The following PALS2 variants were observed in gnomAD, a reference collection of about 807,000 sequenced individuals.
The protein encoded by PALS2 is protein PALS2.
A neutral mutation model predicts 61.6 loss-of-function variants in PALS2; 27 were observed. The ratio of observed to expected loss-of-function variants is 0.44; its 90% CI spans 0.32 to 0.60. PALS2 has a LOEUF of 0.60. Among genes scored for constraint, PALS2 ranks in the 20% least tolerant of loss-of-function variants. PALS2 has a pLI of 0.05. For synonymous variants in PALS2, 236 were observed against 218.6 expected (o/e 1.08, Z -0.70); for missense variants, 554 against 639.4 (o/e 0.87, Z 1.44).
At chr7:24,636,155 T>G (rs1294433462) in intron 2 of PALS2, among the ~76,000 whole-genome samples, 1 of 143,822 alleles carries the variant, frequency 7.0e-6, no homozygotes, top group African/African-American at 2.6e-5. Flanking sequence ...GAGGTTGCAG[T>G]GAGCCGAGAT....
intron 7 of PALS2, 110 bp from the exon 8 acceptor site, chr7:24,665,911 T>C: frequency 8.8e-7 from 1 of 1,137,848 alleles, no homozygotes; most frequent in Non-Finnish European, 1.3e-6. Context: ...TTTTGCTTCC[T>C]AGGATGCCAC....
intron 5 of PALS2, among the ~76,000 whole-genome samples, chr7:24,663,146 T>G (rs1160758399): frequency 4.6e-5 from 7 of 152,194 alleles, no homozygotes; most frequent in Admixed American, 1.3e-4. Flanking sequence ...ACATCAACTT[T>G]TATTGTTTAA....
At position 24,654,568 on chromosome 7, in the gene PALS2, A is replaced by G. The variant is rs549785143; in HGVS notation, c.651+3856A>G. ...GTCTAGGAATAAATTAACCAAAAAA[A>G]TTCAAGACCTCTACACAAAGGAATT... On this transcript the variant is annotated intron_variant, in intron 5 of 11. Transcript: ENST00000222644. Among the ~76,000 whole-genome samples the G allele has an allele frequency of 2.5e-4, 38 of 152,320 alleles. 1 individual carries two copies. The highest frequency in any genetic ancestry group is 8.9e-4 in the African/African-American group (37 of 41,590).
chr7:24,607,586 TAC>T (rs952508124), intron 1 of PALS2, among the ~76,000 whole-genome samples: 134 of 82,800 alleles, frequency 1.6e-3, no homozygotes, highest in East Asian at 0.015. Flanking sequence ...TGTGTATATA[TAC>T]ATATATGTGT....
intron 2 of PALS2, among the ~76,000 whole-genome samples, chr7:24,625,907 A>G (rs892900667): frequency 6.6e-6 from 1 of 152,174 alleles, no homozygotes; most frequent in Non-Finnish European, 1.5e-5. Flanking sequence ...TCCGCTTCCA[A>G]GAAAGAAATA....
chr7:24,610,290 C>A (rs1435877097), intron 1 of PALS2, among the ~76,000 whole-genome samples: 1 of 152,072 alleles, frequency 6.6e-6, no homozygotes, highest in African/African-American at 2.4e-5. Context: ...AATGCAGGTT[C>A]TTTACCACTG....
chr7:24,640,845 A>G (rs1160115803), intron 2 of PALS2, among the ~76,000 whole-genome samples: 2 of 151,380 alleles, frequency 1.3e-5, no homozygotes, highest in Non-Finnish European at 2.9e-5. Flanking sequence ...TGTCTCTACT[A>G]AAAATACAAA....
In PALS2 at chr7:24,663,739, A is replaced by G. The variant is rs749006715; in HGVS notation, c.783+18A>G. 4 of 1,599,832 alleles carry G rather than the reference A, an allele frequency of 2.5e-6. No individual in the cohort carries two copies. The South Asian group carries it at 4.4e-5, about 18-fold the overall frequency. ...GGTGGCAGGTTAGTATGCTTCTCAG[A>G]AGTTCCTCAGCTACTTTTCTAATTT... On this transcript the variant is annotated intron_variant, in intron 6 of 11. Transcript: ENST00000222644.
intron 4 of PALS2, among the ~76,000 whole-genome samples, chr7:24,649,970 A>G (rs539769944): frequency 2.0e-5 from 3 of 152,292 alleles, no homozygotes; most frequent in East Asian, 1.9e-4. Context: ...AAACTGAGCT[A>G]GAAGTAGAAA....
intron 1 of PALS2, among the ~76,000 whole-genome samples, chr7:24,583,548 C>G (rs1369390399): frequency 6.6e-6 from 1 of 151,704 alleles, no homozygotes; most frequent in African/African-American, 2.4e-5. Context: ...TCACGACTTT[C>G]AATAAGGTCC....
intron 2 of PALS2, among the ~76,000 whole-genome samples, chr7:24,640,474 C>G (rs956622636): frequency 9.2e-5 from 14 of 152,078 alleles, no homozygotes; most frequent in African/African-American, 3.4e-4. Flanking sequence ...GATACTGTTA[C>G]CACTTGAAAT....
chr7:24,686,666 C>G (rs867114204), intron 11 of PALS2, among the ~76,000 whole-genome samples: 1 of 152,186 alleles, frequency 6.6e-6, no homozygotes, highest in Non-Finnish European at 1.5e-5. Context: ...ATCTCCTCCA[C>G]TAAAGGATAG....
At chr7:24,656,186 C>G (rs1363847567) in intron 5 of PALS2, among the ~76,000 whole-genome samples, 3 of 152,144 alleles carry the variant, frequency 2.0e-5, no homozygotes, top group Non-Finnish European at 4.4e-5. Flanking sequence ...CAATAAGCAA[C>G]ATTTGCACCA....
intron 9 of PALS2, among the ~76,000 whole-genome samples, chr7:24,677,210 T>C (rs546174508): frequency 2.0e-5 from 3 of 152,182 alleles, no homozygotes; most frequent in Admixed American, 2.0e-4. Flanking sequence ...GTGATTTTTA[T>C]GCATTGATTT....
At chr7:24,623,876 A>G (rs1784625128) in intron 2 of PALS2, 92 bp downstream of exon 2, 1 of 1,094,788 alleles carries the variant, frequency 9.1e-7, no homozygotes, top group Non-Finnish European at 1.3e-6. Context: ...AATTTGGTTG[A>G]TATACATTAG....
At chr7:24,673,121 A>G (rs1030538717) in intron 9 of PALS2, among the ~76,000 whole-genome samples, 1 of 152,134 alleles carries the variant, frequency 6.6e-6, no homozygotes, top group Non-Finnish European at 1.5e-5. Context: ...AGGGTACTAG[A>G]TCTTGCCAAA....
At chr7:24,684,476 G>A (rs1562667479) in intron 11 of PALS2, among the ~76,000 whole-genome samples, 1 of 152,130 alleles carries the variant, frequency 6.6e-6, no homozygotes, top group Non-Finnish European at 1.5e-5. Flanking sequence ...ATAATTCCTT[G>A]CTTTCTGATA....
chr7:24,633,891 A>T (rs1210117780), intron 2 of PALS2, among the ~76,000 whole-genome samples: 2 of 151,956 alleles, frequency 1.3e-5, no homozygotes, highest in African/African-American at 4.8e-5. Flanking sequence ...ACTTGTTATT[A>T]TTTGATTTTT....
chr7:24,589,731 G>A (rs1350160493), intron 1 of PALS2, among the ~76,000 whole-genome samples: 2 of 152,084 alleles, frequency 1.3e-5, no homozygotes, highest in Admixed American at 1.3e-4. Flanking sequence ...AATTATTAAT[G>A]CTACATGACA....
Sources: gnomAD v4.1 joint callset for allele counts (sites outside exome capture counted in the v4.1 genomes callset) on GRCh38, gnomAD v4.1.1 for gene constraint, MANE v1.5 for transcripts, NCBI Gene and HGNC (gene_info 2026-07-23, HGNC 2026-07-21) for gene names.